CTNND2: variants seen among roughly 807,000 people sequenced by gnomAD.
CTNND2 encodes the protein catenin delta-2.
Under a neutral mutation model 144.4 loss-of-function variants are expected in CTNND2, and 22 were observed. The ratio of observed to expected loss-of-function variants is 0.15; its 90% CI spans 0.11 to 0.22. The LOEUF (loss-of-function observed/expected upper bound fraction) is 0.22. Among genes scored for constraint, CTNND2 ranks in the 10% least tolerant of loss-of-function variants. The pLI, the probability that CTNND2 is intolerant of heterozygous loss-of-function variation, is 1.00. For synonymous variants in CTNND2, 751 were observed against 695.6 expected, an observed-to-expected ratio of 1.08 and a Z score of -1.25; for missense variants, 1,353 against 1,618.8, an observed-to-expected ratio of 0.84 and a Z score of 2.82.
At chr5:11,677,880 A>G (rs1422862209) in intron 2 of CTNND2, among the ~76,000 whole-genome samples, 1 of 152,184 alleles carries the variant, frequency 6.6e-6, no homozygotes, top group African/African-American at 2.4e-5. Context: ...AATCTGATTC[A>G]GGAAGTATCA....
intron 3 of CTNND2, among the ~76,000 whole-genome samples, chr5:11,551,593 T>C (rs1775773044): frequency 6.6e-6 from 1 of 151,630 alleles, no homozygotes; most frequent in Non-Finnish European, 1.5e-5. Context: ...TATTTTTTTT[T>C]GTTTTCTTTG....
At chr5:11,281,543 A>G (rs1747113943) in intron 9 of CTNND2, among the ~76,000 whole-genome samples, 1 of 152,252 alleles carries the variant, frequency 6.6e-6, no homozygotes. Context: ...CATGTATATT[A>G]GTTTGCTAGG....
At chr5:11,033,445 G>T (rs114663101) in intron 16 of CTNND2, among the ~76,000 whole-genome samples, 2 of 152,264 alleles carry the variant, frequency 1.3e-5, no homozygotes, top group African/African-American at 4.8e-5. Context: ...AAACAAGTAA[G>T]TCCTTGTATA....
rs1561648782 is a variant in CTNND2 at position 11,641,718 on chromosome 5, ACATATACG to A, written c.175-76670_175-76663del. Among the ~76,000 whole-genome samples the A allele has an allele frequency of 3.7e-4, 38 of 103,060 alleles. 1 individual carries two copies. Among genetic ancestry groups the A allele is most frequent in the African/African-American group, 1.5e-3 (38 of 26,164 alleles). The allele number at this position is 103,060 out of a possible 152,430, so 67.6% of individuals were successfully genotyped here. A position where few individuals can be genotyped will look rare whatever the true frequency, so the allele number is the denominator to read the frequency against. On this transcript the variant is annotated intron_variant, in intron 2 of 21. Transcript: ENST00000304623. ...TGTATATACATATACGTGTGTGTAT[ACATATACG>A]TGTGTGTATATACATATACGTGTGT...
chr5:11,172,944 A>G (rs1760081567), intron 11 of CTNND2, among the ~76,000 whole-genome samples: 1 of 152,226 alleles, frequency 6.6e-6, no homozygotes, highest in Non-Finnish European at 1.5e-5. Flanking sequence ...AGAGTGGGAC[A>G]TAGGTATTGT....
At chr5:11,826,797 T>C (rs1194841532) in intron 1 of CTNND2, among the ~76,000 whole-genome samples, 1 of 151,992 alleles carries the variant, frequency 6.6e-6, no homozygotes, top group Non-Finnish European at 1.5e-5. Flanking sequence ...AATCTATATA[T>C]TCATACAACA....
chr5:11,261,744 T>G (rs1744880224), intron 9 of CTNND2, among the ~76,000 whole-genome samples: 1 of 152,216 alleles, frequency 6.6e-6, no homozygotes, highest in African/African-American at 2.4e-5. Context: ...AACCAACTAG[T>G]ATTGGTAAAT....
chr5:11,084,394 A>G (rs1368919580), intron 15 of CTNND2, among the ~76,000 whole-genome samples: 1 of 152,146 alleles, frequency 6.6e-6, no homozygotes, highest in Non-Finnish European at 1.5e-5. Flanking sequence ...TGCCCTGCTG[A>G]GTCTCCAGTC....
At chr5:11,710,951 C>T (rs1444830122) in intron 2 of CTNND2, among the ~76,000 whole-genome samples, 2 of 152,210 alleles carry the variant, frequency 1.3e-5, no homozygotes, top group African/African-American at 4.8e-5. Flanking sequence ...CCTTGTCACT[C>T]CACATCATTT....
Position 11,290,032 on chromosome 5 carries a change from G to T in CTNND2, c.1629-53209C>A, listed in dbSNP as rs184402629. On this transcript the variant is annotated intron_variant, in intron 9 of 21. Transcript: ENST00000304623. ...GGTTCCCTTTGCAACTACAAGGATC[G>T]AGTATAGAGCAACACATTTTCCGGA... Among the ~76,000 whole-genome samples the T allele has an allele frequency of 3.6e-3, 554 of 152,276 alleles. 13 individuals are homozygous for T. Among genetic ancestry groups the T allele is most frequent in the Admixed American group, 0.03 (460 of 15,292 alleles).
At chr5:11,556,647 C>G (rs1776259950) in intron 3 of CTNND2, among the ~76,000 whole-genome samples, 1 of 152,042 alleles carries the variant, frequency 6.6e-6, no homozygotes, top group African/African-American at 2.4e-5. Context: ...GGCATTTGGG[C>G]TCATGAAATT....
chr5:11,119,180 G>C (rs1753839273), intron 12 of CTNND2, among the ~76,000 whole-genome samples: 1 of 152,138 alleles, frequency 6.6e-6, no homozygotes, highest in African/African-American at 2.4e-5. Context: ...TGTCAAATAT[G>C]AATGCAGAAT....
intron 2 of CTNND2, among the ~76,000 whole-genome samples, chr5:11,585,902 A>G (rs1269421608): frequency 2.0e-5 from 3 of 152,108 alleles, no homozygotes; most frequent in African/African-American, 7.2e-5. Context: ...AAAATGCAGA[A>G]TCCAAGTTCT....
intron 3 of CTNND2, among the ~76,000 whole-genome samples, chr5:11,428,381 T>A (rs1270546893): frequency 6.6e-6 from 1 of 152,164 alleles, no homozygotes; most frequent in Non-Finnish European, 1.5e-5. Flanking sequence ...GGAAAGCATG[T>A]TCCAACTGTG....
chr5:11,822,621 C>A (rs983211197), intron 1 of CTNND2, among the ~76,000 whole-genome samples: 2 of 152,026 alleles, frequency 1.3e-5, no homozygotes, highest in Non-Finnish European at 2.9e-5. Context: ...ATTGTGACTT[C>A]CATATTGATA....
chr5:11,527,267 C>A (rs1398440937), intron 3 of CTNND2, among the ~76,000 whole-genome samples: 1 of 152,044 alleles, frequency 6.6e-6, no homozygotes, highest in African/African-American at 2.4e-5. Context: ...AACTAAGATG[C>A]AAAGAAGTAG....
At chr5:11,676,874 C>T (rs1377158815) in intron 2 of CTNND2, among the ~76,000 whole-genome samples, 4 of 152,162 alleles carry the variant, frequency 2.6e-5, no homozygotes, top group Non-Finnish European at 5.9e-5. Flanking sequence ...ACCTGTTTCC[C>T]TTTTGTGTAA....
At chr5:11,010,905 CG>C (rs1741007307) in intron 18 of CTNND2, among the ~76,000 whole-genome samples, 1 of 152,200 alleles carries the variant, frequency 6.6e-6, no homozygotes, top group African/African-American at 2.4e-5. Flanking sequence ...ATTAGTTTTA[CG>C]TTTTCTTTCT....
At chr5:11,003,029 G>A (rs1431561321) in intron 18 of CTNND2, among the ~76,000 whole-genome samples, 1 of 152,154 alleles carries the variant, frequency 6.6e-6, no homozygotes, top group Non-Finnish European at 1.5e-5. Context: ...TTTTTAAAAA[G>A]TTCTGGAAGT....
Sources: gnomAD v4.1 joint callset for allele counts (sites outside exome capture counted in the v4.1 genomes callset) on GRCh38, gnomAD v4.1.1 for gene constraint, MANE v1.5 for transcripts, NCBI Gene and HGNC (gene_info 2026-07-23, HGNC 2026-07-21) for gene names.